Variants in DDX23 observed in about 807,000 individuals in gnomAD.
The protein encoded by DDX23 is DEAD-box helicase 23.
Under a neutral mutation model 102.7 loss-of-function variants are expected in DDX23, and 33 were observed. The observed-to-expected ratio is 0.32, with a 90% confidence interval of 0.24 to 0.43. DDX23 has a LOEUF of 0.43. DDX23 is among the 20% of genes least tolerant of loss of function. The pLI is 1.00. For synonymous variants in DDX23, 352 were observed against 376.0 expected, an observed-to-expected ratio of 0.94 and a Z score of 0.74; for missense variants, 549 against 1,086.6, an observed-to-expected ratio of 0.51 and a Z score of 6.96.
intron 1 of DDX23, among the ~76,000 whole-genome samples, chr12:48,851,216 A>T (rs1938752600): frequency 6.6e-6 from 1 of 152,248 alleles, no homozygotes; most frequent in Non-Finnish European, 1.5e-5. Flanking sequence ...TCACGCATGT[A>T]ATCCTAACAC....
At chr12:48,847,330 C>CA (rs1313694195) in intron 1 of DDX23, 1 of 152,078 alleles carries the variant, frequency 6.6e-6, no homozygotes, top group East Asian at 1.9e-4. Flanking sequence ...TCCTGGCCAA[C>CA]ACGGTGAAAC....
intron 11 of DDX23, among the ~76,000 whole-genome samples, chr12:48,834,958 C>A (rs2137482934): frequency 6.6e-6 from 1 of 150,788 alleles, no homozygotes; most frequent in East Asian, 2.0e-4. Context: ...AAAAATAAGT[C>A]CAGAGGCCAG....
At chr12:48,851,949 C>T (rs1938767435) in intron 1 of DDX23, 135 bp downstream of exon 1, 1 of 152,564 alleles carries the variant, frequency 6.6e-6, no homozygotes, top group African/African-American at 2.4e-5. Context: ...CCAGCCCGCC[C>T]GAGCTTCCCG....
intron 1 of DDX23, among the ~76,000 whole-genome samples, chr12:48,851,012 T>G (rs1455620273): frequency 6.6e-6 from 1 of 152,232 alleles, no homozygotes; most frequent in East Asian, 1.9e-4. Context: ...GCAGCCTTCC[T>G]CTCAAACCTC....
rs1199466847 is a variant in DDX23, at chr12:48,834,503, G to GTAAA, written c.1383-10_1383-7dup. On this transcript the variant is annotated splice_region_variant and splice_polypyrimidine_tract_variant and intron_variant, in intron 11 of 16. Coordinates refer to ENST00000308025, the MANE Select transcript of DDX23 (RefSeq NM_004818.3). ...CTTGGTCTGACTCTTCGATCCTGTG[G>GTAAA]TAAACAGGGTGCCCCACAGCTTCGT... is the stretch of plus-strand genomic sequence containing the variant. 1.2e-6 allele frequency: 2 copies of GTAAA among 1,611,104 alleles called. No individual in the cohort carries two copies. The highest frequency in any genetic ancestry group is 1.3e-5 in the African/African-American group (1 of 74,764).
Position 48,832,262 on chromosome 12 carries a change from CA to C in DDX23, c.1956-77del. 1 of 1,571,798 alleles carries C rather than the reference CA, an allele frequency of 6.4e-7. No individual in the cohort carries two copies. Among genetic ancestry groups the C allele is most frequent in the Non-Finnish European group, 8.7e-7 (1 of 1,144,984 alleles). ...GAAATGCCCAACCCTCATCTATGAA[CA>C]CTACTTTCAGGGTCTTTAATGCCCA... On this transcript the variant is annotated intron_variant, in intron 14 of 16. Transcript: ENST00000308025. The surrounding 1 kb of genome is among the most constrained non-coding windows in gnomAD (Gnocchi z 4.4).
chr12:48,849,490 C>T (rs1212050480), intron 1 of DDX23, among the ~76,000 whole-genome samples: 3 of 151,872 alleles, frequency 2.0e-5, no homozygotes, highest in African/African-American at 4.8e-5. Context: ...GGTGAAACCC[C>T]GTCTCTACTA....
chr12:48,840,846 C>A (rs987875189), intron 3 of DDX23, among the ~76,000 whole-genome samples: 1 of 151,824 alleles, frequency 6.6e-6, no homozygotes, highest in Admixed American at 6.6e-5. Flanking sequence ...AGCCACAGCG[C>A]CTGGCCCTCC....
Position 48,830,420 on chromosome 12 carries a change from G to A in DDX23, c.*49C>T, listed in dbSNP as rs1363155709. ...GGGATGTGAGGGTTCTGAAAAACAG[G>A]CATCAGGCAGCTTTGGAGATGCCCT... On this transcript the variant is annotated 3_prime_UTR_variant, in exon 17 of 17. Transcript: ENST00000308025. This position sits in a 1 kb window ranked among gnomAD's most constrained non-coding sequence, Gnocchi z 4.9. 1 of 1,597,182 alleles carries A rather than the reference G, an allele frequency of 6.3e-7. No individual in the cohort carries two copies. The highest frequency in any genetic ancestry group is 2.2e-5 in the East Asian group (1 of 44,794).
chr12:48,830,478 G>C lies in DDX23; in HGVS notation c.2454C>G (p.Ile818Met), dbSNP rs1427181221. The C allele has an allele frequency of 6.2e-7, 1 of 1,614,056 alleles. No individual in the cohort carries two copies. Among genetic ancestry groups the C allele is most frequent in the Non-Finnish European group, 8.5e-7 (1 of 1,179,982 alleles). The change falls in exon 17 of 17, where the codon ATC becomes ATG. Residue 818 changes from isoleucine (I) to methionine (M), a missense_variant. By Grantham distance (10) the Ile-to-Met change is conservative. Coordinates refer to ENST00000308025, the MANE Select transcript of DDX23 (RefSeq NM_004818.3). The surrounding 1 kb of genome is among the most constrained non-coding windows in gnomAD (Gnocchi z 4.9). ...ILTKKRREETIFA is the reference protein window; with the variant it reads ...ILTKKRREETMFA ...CAGGAAGAGTGCTGTGTCAGGCAAA[G>C]ATGGTCTCTTCCCGGCGCTTCTTGG...
At chr12:48,841,876 C>T (rs1302471755) in intron 3 of DDX23, among the ~76,000 whole-genome samples, 1 of 152,194 alleles carries the variant, frequency 6.6e-6, no homozygotes, top group African/African-American at 2.4e-5. Flanking sequence ...CTCTGCCCGG[C>T]CGCCATCCCA....
chr12:48,836,561 C>T lies in DDX23; in HGVS notation c.1236+8G>A. The T allele has an allele frequency of 6.2e-7, 1 of 1,611,858 alleles. No individual in the cohort carries two copies. Among genetic ancestry groups the T allele is most frequent in the East Asian group, 2.2e-5 (1 of 44,886 alleles). ...TCAGATCTCTTGGGCCAATCTATCC[C>T]TCCTTACCTTGTAGCCACACTTATC... On this transcript the variant is annotated splice_region_variant and intron_variant, in intron 10 of 16. Transcript: ENST00000308025. This position sits in a 1 kb window ranked among gnomAD's most constrained non-coding sequence, Gnocchi z 6.1.
chr12:48,851,719 C>T (rs1369115964), intron 1 of DDX23, among the ~76,000 whole-genome samples: 2 of 152,176 alleles, frequency 1.3e-5, no homozygotes, highest in African/African-American at 4.8e-5. Context: ...ATAATACGGC[C>T]GGCGCAGAGG....
intron 1 of DDX23, among the ~76,000 whole-genome samples, chr12:48,848,910 C>T (rs1029981680): frequency 6.6e-6 from 1 of 152,066 alleles, no homozygotes; most frequent in African/African-American, 2.4e-5. Flanking sequence ...TGCCACACCA[C>T]GCCTGGCTAA....
intron 2 of DDX23, among the ~76,000 whole-genome samples, chr12:48,845,311 C>A (rs1413577226): frequency 2.0e-5 from 3 of 152,010 alleles, no homozygotes; most frequent in Non-Finnish European, 4.4e-5. Flanking sequence ...ATTAGCCGGG[C>A]ATGGTGTCGG....
At chr12:48,834,134 G>A (rs939584300) in intron 12 of DDX23, among the ~76,000 whole-genome samples, 186 bp downstream of exon 12, 1 of 152,110 alleles carries the variant, frequency 6.6e-6, no homozygotes, top group African/African-American at 2.4e-5. Context: ...GAGAATTAAT[G>A]AGCTAATATA....
chr12:48,838,229 G>T, intron 5 of DDX23, 149 bp from the exon 6 acceptor site: 1 of 1,157,788 alleles, frequency 8.6e-7, no homozygotes, highest in Non-Finnish European at 1.2e-6. Context: ...CTCGGTTATG[G>T]ACTGAACTAT....
chr12:48,841,467 G>A lies in DDX23; in HGVS notation c.321-1361C>T, dbSNP rs562064592. ...CCTCTCCCCTCTCCCCTCTCCCCAC[G>A]GTCTCCCTCTCCCTCTCTTTCCATG... On this transcript the variant is annotated intron_variant, in intron 3 of 16. Coordinates refer to ENST00000308025, the MANE Select transcript of DDX23 (RefSeq NM_004818.3). 3.4e-4 allele frequency among the ~76,000 whole-genome samples: 52 copies of A among 152,108 alleles called. No individual in the cohort carries two copies. The South Asian group carries it at 1.0e-2, about 29-fold the overall frequency.
chr12:48,851,928 G>A (rs1938767088), intron 1 of DDX23, among the ~76,000 whole-genome samples, 156 bp downstream of exon 1: 1 of 152,238 alleles, frequency 6.6e-6, no homozygotes. Flanking sequence ...TGGGGCCCGC[G>A]CCCCTTCACT....
Sources: gnomAD v4.1 joint callset for allele counts (sites outside exome capture counted in the v4.1 genomes callset) on GRCh38, gnomAD v4.1.1 for gene constraint, Gnocchi (gnomAD v3.1) non-coding constraint, MANE v1.5 for transcripts, NCBI Gene and HGNC (gene_info 2026-07-23, HGNC 2026-07-21) for gene names.